SPMIP11: variants seen among roughly 807,000 people sequenced by gnomAD.
The protein encoded by SPMIP11 is long intergenic non-protein coding RNA 935.
the SPMIP11 span, chr12:48,765,648 T>A: frequency 2.8e-6 from 2 of 702,898 alleles, no homozygotes; most frequent in Non-Finnish European, 5.2e-6. Flanking sequence ...ACCTTCAGTC[T>A]GTATTAAGAA....
the SPMIP11 span, chr12:48,727,669 C>G: frequency 1.6e-6 from 1 of 637,448 alleles, no homozygotes; most frequent in Middle Eastern, 2.4e-4. Context: ...ATTTATCCTC[C>G]AAGGCCAACA....
chr12:48,765,200 G>A, the SPMIP11 span, among the ~76,000 whole-genome samples: 1 of 152,096 alleles, frequency 6.6e-6, no homozygotes, highest in African/African-American at 2.4e-5. Flanking sequence ...TCCTCTTTGT[G>A]GGTGTGACTT....
At chr12:48,769,556 G>GTAAGCATT in the SPMIP11 span, among the ~76,000 whole-genome samples, 1 of 150,680 alleles carries the variant, frequency 6.6e-6, no homozygotes, top group East Asian at 1.9e-4. Flanking sequence ...AACCACTCTA[G>GTAAGCATT]TAAGCATTTT....
chr12:48,765,010 G>A, the SPMIP11 span: 4 of 701,298 alleles, frequency 5.7e-6, no homozygotes, highest in East Asian at 1.1e-4. Context: ...GGCTGGGAGG[G>A]GTAAGGGTGG....
chr12:48,732,572 C>T, the SPMIP11 span, among the ~76,000 whole-genome samples: 4 of 150,804 alleles, frequency 2.7e-5, no homozygotes, highest in African/African-American at 4.9e-5. Context: ...GAGTTCGAGA[C>T]CATCCTGGCC....
the SPMIP11 span, among the ~76,000 whole-genome samples, chr12:48,728,312 T>C: frequency 4.5e-4 from 68 of 152,218 alleles, no homozygotes; most frequent in South Asian, 1.0e-3. Flanking sequence ...ACTATTGGAT[T>C]TGGAATAAGA....
the SPMIP11 span, among the ~76,000 whole-genome samples, chr12:48,743,963 A>AAAAAAAT: frequency 7.2e-6 from 1 of 139,778 alleles, no homozygotes; most frequent in African/African-American, 2.7e-5. Flanking sequence ...AAAAAAAAAA[A>AAAAAAAT]TTGGCCAGGC....
the SPMIP11 span, chr12:48,768,972 G>A: frequency 2.5e-6 from 4 of 1,614,022 alleles, no homozygotes; most frequent in East Asian, 2.2e-5. Context: ...CTGTCCATAC[G>A]ACTAGAGACA....
the SPMIP11 span, among the ~76,000 whole-genome samples, chr12:48,737,083 G>A: frequency 6.6e-6 from 1 of 151,842 alleles, no homozygotes; most frequent in Non-Finnish European, 1.5e-5. Flanking sequence ...CTTAGTGGCT[G>A]GAACTGCAGG....
chr12:48,734,098 AT>A, the SPMIP11 span, among the ~76,000 whole-genome samples: 14 of 151,268 alleles, frequency 9.3e-5, no homozygotes, highest in Admixed American at 9.2e-4. Flanking sequence ...TTATTTATCC[AT>A]TTTGGGTGTT....
At chr12:48,727,563 AG>A in the SPMIP11 span, 3 of 702,848 alleles carry the variant, frequency 4.3e-6, no homozygotes, top group African/African-American at 5.2e-5. Flanking sequence ...GAAACAAGTA[AG>A]GGGAATATAG....
At chr12:48,770,706 A>C in the SPMIP11 span, 1 of 1,549,840 alleles carries the variant, frequency 6.5e-7, no homozygotes, top group Non-Finnish European at 8.9e-7. Context: ...CCAGCCTATA[A>C]TCCCAGCTTC....
chr12:48,742,277 C>CTTTTTT, the SPMIP11 span, among the ~76,000 whole-genome samples: 406 of 87,192 alleles, frequency 4.7e-3, 21 homozygotes, highest in Middle Eastern at 8.1e-3. Flanking sequence ...CTTTTCTTTT[C>CTTTTTT]CTTTTTTTTT....
At chr12:48,735,885 A>AAAT in the SPMIP11 span, among the ~76,000 whole-genome samples, 4 of 152,030 alleles carry the variant, frequency 2.6e-5, no homozygotes, top group African/African-American at 7.2e-5. Flanking sequence ...CTCCCTCTCA[A>AAAT]AATAATAATA....
At chr12:48,742,611 C>G in the SPMIP11 span, among the ~76,000 whole-genome samples, 1 of 152,064 alleles carries the variant, frequency 6.6e-6, no homozygotes, top group African/African-American at 2.4e-5. Flanking sequence ...AGGCCAGGCG[C>G]AGTGGCTCAC....
At chr12:48,770,404 C>T in the SPMIP11 span, among the ~76,000 whole-genome samples, 130 of 152,224 alleles carry the variant, frequency 8.5e-4, no homozygotes, top group African/African-American at 2.8e-3. Flanking sequence ...GAGGAAATAC[C>T]TCTTATTGGA....
the SPMIP11 span, among the ~76,000 whole-genome samples, chr12:48,769,804 C>T: frequency 5.3e-5 from 8 of 149,968 alleles, no homozygotes; most frequent in Non-Finnish European, 1.2e-4. Context: ...CTCTGTCACC[C>T]AGGCTGGAGT....
chr12:48,764,985 G>A, the SPMIP11 span: 35 of 702,722 alleles, frequency 5.0e-5, no homozygotes, highest in African/African-American at 1.4e-4. Flanking sequence ...CATAAAAAGC[G>A]CGATGACCAG....
chr12:48,769,926 TA>T, the SPMIP11 span, among the ~76,000 whole-genome samples: 5 of 151,960 alleles, frequency 3.3e-5, no homozygotes, highest in African/African-American at 4.8e-5. Flanking sequence ...CACACCCGGC[TA>T]ATTTTTTGTA....
Sources: allele counts gnomAD v4.1 joint callset (sites outside exome capture counted in the v4.1 genomes callset), GRCh38; gene constraint gnomAD v4.1.1; transcripts MANE v1.5; gene names NCBI Gene and HGNC (gene_info 2026-07-23, HGNC 2026-07-21).